COG7: variants seen among roughly 807,000 people sequenced by gnomAD.
COG7 encodes component of oligomeric golgi complex 7, also known as conserved oligomeric Golgi complex subunit 7.
COG7 carries 49 observed loss-of-function variants against 91.5 expected under a neutral mutation model. The ratio of observed to expected loss-of-function variants is 0.54; its 90% CI spans 0.43 to 0.68. The LOEUF is 0.68. Ranked by LOEUF, COG7 falls within the 30% of genes least tolerant of loss-of-function variation. COG7 has a pLI of 0.00. For missense variants in COG7, 895 were observed against 961.3 expected, an observed-to-expected ratio of 0.93 and a Z score of 0.91; for synonymous variants, 365 against 388.7, an observed-to-expected ratio of 0.94 and a Z score of 0.72.
chr16:23,427,259 A>G (rs1963863457), intron 6 of COG7, among the ~76,000 whole-genome samples: 2 of 152,052 alleles, frequency 1.3e-5, no homozygotes, highest in South Asian at 4.1e-4. Flanking sequence ...GCAAAAAAGC[A>G]AACAAACAAA....
At chr16:23,425,699 T>A (rs1036735053) in intron 6 of COG7, among the ~76,000 whole-genome samples, 1 of 152,256 alleles carries the variant, frequency 6.6e-6, no homozygotes, top group East Asian at 1.9e-4. Flanking sequence ...TCTCCCCTGA[T>A]AGATGAAAAG....
intron 6 of COG7, among the ~76,000 whole-genome samples, chr16:23,426,563 G>T (rs1963848792): frequency 6.6e-6 from 1 of 151,956 alleles, no homozygotes; most frequent in Non-Finnish European, 1.5e-5. Flanking sequence ...CACATTAACA[G>T]AATGAAGGGA....
intron 10 of COG7, among the ~76,000 whole-genome samples, chr16:23,410,800 G>A (rs1963550055): frequency 6.6e-6 from 1 of 152,124 alleles, no homozygotes. Flanking sequence ...CTGCCTCCCA[G>A]GTTCAAGTGA....
intron 6 of COG7, 86 bp downstream of exon 6, chr16:23,433,456 TGCA>T: frequency 6.6e-7 from 1 of 1,519,228 alleles, no homozygotes; most frequent in African/African-American, 1.4e-5. Context: ...AGCTGTGCTC[TGCA>T]GTTGAGGGTG....
intron 6 of COG7, among the ~76,000 whole-genome samples, chr16:23,426,818 C>CAAAAAAAAAAAAAAAAAAAAAAAAA (rs1176659874): frequency 8.3e-5 from 5 of 60,270 alleles, no homozygotes; most frequent in Non-Finnish European, 6.7e-5. Flanking sequence ...AGCAATTGGA[C>CAAAAAAAAAAAAAAAAAAAAAAAAA]AAAAAAAAAA....
At chr16:23,422,676 TTGTG>T (rs1963777883) in intron 7 of COG7, among the ~76,000 whole-genome samples, 3 of 152,054 alleles carry the variant, frequency 2.0e-5, no homozygotes, top group Non-Finnish European at 4.4e-5. Flanking sequence ...CTTTTTATTT[TTGTG>T]TGTGTTTCCA....
At chr16:23,442,765 G>T in intron 3 of COG7, 120 bp from the exon 4 acceptor site, 1 of 901,476 alleles carries the variant, frequency 1.1e-6, no homozygotes, top group East Asian at 2.4e-5. Context: ...GGGCATCGTG[G>T]TGGTTCATGC....
chr16:23,418,276 G>A lies in COG7; in HGVS notation c.1137+424C>T, dbSNP rs573167932. Among the ~76,000 whole-genome samples, 9 of 152,308 alleles carry A rather than the reference G, an allele frequency of 5.9e-5. No individual in the cohort carries two copies. The South Asian group carries it at 1.7e-3, about 28-fold the overall frequency. On this transcript the variant is annotated intron_variant, in intron 8 of 16. Transcript: ENST00000307149. ...TTCCAGTACTTTGGAAGCCCAAGGT[G>A]GGTGGGTTGCTTGAGCCCAGGAGTT...
In COG7 at chr16:23,442,659, G is replaced by A; in HGVS notation, c.436-14C>T. ...CACAGCTATGTCCTAGAAAAGACCA[G>A]AATAGAGAATATTTATTTTAAATGA... On this transcript the variant is annotated splice_polypyrimidine_tract_variant and intron_variant, in intron 3 of 16. Coordinates refer to ENST00000307149, the MANE Select transcript of COG7 (RefSeq NM_153603.4). 6.2e-7 allele frequency: 1 copy of A among 1,606,036 alleles called. No individual in the cohort carries two copies. Among genetic ancestry groups the A allele is most frequent in the Non-Finnish European group, 8.5e-7 (1 of 1,172,670 alleles).
chr16:23,400,548 A>C (rs1405379698), intron 13 of COG7, among the ~76,000 whole-genome samples: 1 of 152,222 alleles, frequency 6.6e-6, no homozygotes, highest in Non-Finnish European at 1.5e-5. Flanking sequence ...GAAAGGCCTC[A>C]AAGGGGAGGC....
At chr16:23,423,858 A>G (rs28535814) in intron 7 of COG7, among the ~76,000 whole-genome samples, 12,786 of 152,220 alleles carry the variant, frequency 0.084, 959 homozygotes, top group African/African-American at 0.2. Flanking sequence ...GAGCTTGGAG[A>G]GCATCACACA....
intron 4 of COG7, among the ~76,000 whole-genome samples, chr16:23,437,816 G>C (rs1964034649): frequency 6.6e-6 from 1 of 152,232 alleles, no homozygotes; most frequent in Non-Finnish European, 1.5e-5. Context: ...GCCGGGCACA[G>C]TGGCTCACGC....
intron 7 of COG7, among the ~76,000 whole-genome samples, chr16:23,424,415 G>A (rs965432633): frequency 6.6e-6 from 1 of 151,920 alleles, no homozygotes; most frequent in Non-Finnish European, 1.5e-5. Flanking sequence ...TTGCCTCCTG[G>A]TGTAATCTGC....
rs151162570 is a variant in COG7 at position 23,420,860 on chromosome 16, C to T, written c.1010-2033G>A. ...CCAGGCTCAAGAGATCTCCCCACCC[C>T]AGCCTCCTGAGTAGCTAGTACTACA... On this transcript the variant is annotated intron_variant, in intron 7 of 16. Transcript: ENST00000307149. Among the ~76,000 whole-genome samples the T allele has an allele frequency of 7.9e-3, 1,209 of 152,148 alleles. 12 individuals are homozygous for T. The highest frequency in any genetic ancestry group is 0.012 in the Non-Finnish European group (814 of 67,996).
In COG7 at chr16:23,388,789, C is replaced by G. The variant is rs955696029; in HGVS notation, c.*131G>C. On this transcript the variant is annotated 3_prime_UTR_variant, in exon 17 of 17. Coordinates refer to ENST00000307149, the MANE Select transcript of COG7 (RefSeq NM_153603.4). ...TGCTGGGATTACAGGCGTGAGCCAC[C>G]GTGACCAGCTGAACCAAGTCTTTTT... 6.7e-7 allele frequency: 1 copy of G among 1,503,022 alleles called. No homozygotes were observed. Among genetic ancestry groups the G allele is most frequent in the Non-Finnish European group, 8.9e-7 (1 of 1,124,222 alleles). 93.1% of individuals were successfully genotyped at this position (1,503,022 alleles called of 1,614,324 possible).
chr16:23,408,454 G>T (rs1252618960), intron 11 of COG7, among the ~76,000 whole-genome samples: 1 of 144,716 alleles, frequency 6.9e-6, no homozygotes, highest in African/African-American at 2.6e-5. Flanking sequence ...GCGAGTGGCG[G>T]GGGGAGGTGG....
In COG7 at chr16:23,434,718, TCTAAAGAACATA is replaced by T. The variant is rs1567343974; in HGVS notation, c.605-12_605-1del. 6.2e-7 allele frequency: 1 copy of T among 1,608,242 alleles called. No individual in the cohort carries two copies. Among genetic ancestry groups the T allele is most frequent in the Admixed American group, 1.7e-5 (1 of 60,000 alleles). On this transcript the variant is annotated splice_acceptor_variant and splice_polypyrimidine_tract_variant and intron_variant, in intron 4 of 16. Coordinates refer to ENST00000307149, the MANE Select transcript of COG7 (RefSeq NM_153603.4). LOFTEE classifies it high-confidence loss of function. ...CACCTTCACAAACACTTTGGACTGATCTAAAGAACATACAATGTATATATACTGTTACCAGCC... is the reference window on the plus strand; with the variant it reads ...CACCTTCACAAACACTTTGGACTGATCAATGTATATATACTGTTACCAGCC...
At chr16:23,412,366 G>A (rs184829770) in intron 10 of COG7, 41 of 152,326 alleles carry the variant, frequency 2.7e-4, no homozygotes, top group Middle Eastern at 3.4e-3. Context: ...TGTTGCCTGA[G>A]CATCTCATTT....
At chr16:23,408,545 C>A (rs1963507975) in intron 11 of COG7, among the ~76,000 whole-genome samples, 2 of 151,802 alleles carry the variant, frequency 1.3e-5, no homozygotes, top group African/African-American at 4.8e-5. Context: ...TGTTTCCCGT[C>A]ATTTCTGAGA....
Sources: allele counts gnomAD v4.1 joint callset (sites outside exome capture counted in the v4.1 genomes callset), GRCh38; gene constraint gnomAD v4.1.1; transcripts MANE v1.5; gene names NCBI Gene and HGNC (gene_info 2026-07-23, HGNC 2026-07-21).